ABLIM3: variants seen among roughly 807,000 people sequenced by gnomAD.
ABLIM3 encodes the protein actin-binding LIM protein 3.
ABLIM3 carries 61 observed loss-of-function variants against 109.5 expected under a neutral mutation model. The ratio of observed to expected loss-of-function variants is 0.56; its 90% CI spans 0.45 to 0.69. The LOEUF (loss-of-function observed/expected upper bound fraction) is 0.69. Among genes scored for constraint, ABLIM3 ranks in the 30% least tolerant of loss-of-function variants. The pLI is 0.00. For synonymous variants in ABLIM3, 300 were observed against 324.8 expected (o/e 0.92, Z 0.82); for missense variants, 796 against 889.5 (o/e 0.89, Z 1.34).
At chr5:149,214,366 G>T (rs1398046037) in intron 7 of ABLIM3, among the ~76,000 whole-genome samples, 1 of 152,176 alleles carries the variant, frequency 6.6e-6, no homozygotes, top group Non-Finnish European at 1.5e-5. Flanking sequence ...GACACCAGTT[G>T]CCCCAGGCTT....
At chr5:149,240,958 A>T (rs1252879015) in intron 14 of ABLIM3, among the ~76,000 whole-genome samples, 184 bp downstream of exon 14, 4 of 152,136 alleles carry the variant, frequency 2.6e-5, no homozygotes, top group Non-Finnish European at 5.9e-5. Flanking sequence ...CAGATTATCC[A>T]CTTGACAGAA....
Position 149,239,742 on chromosome 5 carries a change from C to T in ABLIM3, c.1075-17C>T. The stretch of plus-strand genomic sequence containing the variant: ...CTTAACAGCCAGCCATGCTCACAGC[C>T]CCATTTCCTCTCCCAGGACATCTAC... On this transcript the variant is annotated splice_polypyrimidine_tract_variant and intron_variant, in intron 12 of 23. Transcript: ENST00000309868. 1.3e-6 allele frequency: 2 copies of T among 1,582,638 alleles called. No individual in the cohort carries two copies. The highest frequency in any genetic ancestry group is 1.7e-6 in the Non-Finnish European group (2 of 1,165,790).
chr5:149,255,647 C>T (rs1217456379), intron 23 of ABLIM3, among the ~76,000 whole-genome samples: 1 of 152,146 alleles, frequency 6.6e-6, no homozygotes, highest in Admixed American at 6.6e-5. Context: ...GAAGGAAGAA[C>T]TTTCTGGGCA....
intron 9 of ABLIM3, 60 bp downstream of exon 9, chr5:149,230,767 T>C: frequency 6.3e-7 from 1 of 1,584,702 alleles, no homozygotes; most frequent in East Asian, 2.2e-5. Flanking sequence ...TGCCACAGGC[T>C]AAGGGAGCTG....
chr5:149,237,324 TA>T, intron 10 of ABLIM3, 123 bp from the exon 11 acceptor site: 1 of 1,024,448 alleles, frequency 9.8e-7, no homozygotes, highest in Non-Finnish European at 1.4e-6. Flanking sequence ...AATTTGATCC[TA>T]ATCTGTTTGT....
intron 10 of ABLIM3, among the ~76,000 whole-genome samples, chr5:149,236,282 CA>C: frequency 6.6e-6 from 1 of 152,276 alleles, no homozygotes; most frequent in East Asian, 1.9e-4. Flanking sequence ...GGTAGGTTTT[CA>C]AAATAGCACA....
intron 2 of ABLIM3, among the ~76,000 whole-genome samples, chr5:149,155,406 A>G (rs1228826482): frequency 6.6e-6 from 1 of 152,212 alleles, no homozygotes; most frequent in Non-Finnish European, 1.5e-5. Flanking sequence ...GACTGCTTCC[A>G]TCCAGCATCT....
chr5:149,158,064 A>C (rs1018432585), intron 2 of ABLIM3, among the ~76,000 whole-genome samples: 5 of 152,312 alleles, frequency 3.3e-5, no homozygotes, highest in African/African-American at 1.2e-4. Context: ...TCACTCCTGA[A>C]GTGATTTTAT....
chr5:149,239,608 G>A (rs1009962790), intron 12 of ABLIM3, 151 bp from the exon 13 acceptor site: 2 of 1,130,408 alleles, frequency 1.8e-6, no homozygotes, highest in Non-Finnish European at 1.3e-6. Context: ...CTCGGGCTGT[G>A]TGTGTAACTC....
intron 23 of ABLIM3, among the ~76,000 whole-genome samples, chr5:149,254,553 G>T (rs1398710916): frequency 6.6e-6 from 1 of 152,186 alleles, no homozygotes; most frequent in Non-Finnish European, 1.5e-5. Flanking sequence ...TTGATGGCGT[G>T]GAATTGGCCC....
intron 23 of ABLIM3, among the ~76,000 whole-genome samples, chr5:149,253,278 G>GGGGA (rs370969337): frequency 1.8e-3 from 272 of 152,272 alleles, no homozygotes; most frequent in African/African-American, 6.4e-3. Flanking sequence ...TGGGGGACAG[G>GGGGA]GGGAGGCAGC....
intron 2 of ABLIM3, among the ~76,000 whole-genome samples, chr5:149,168,724 G>A (rs1175942401): frequency 6.6e-6 from 1 of 152,172 alleles, no homozygotes; most frequent in Non-Finnish European, 1.5e-5. Context: ...AATATACTTT[G>A]TAATATTTGA....
chr5:149,240,669 G>A lies in ABLIM3; in HGVS notation c.1205-7G>A. 1.2e-6 allele frequency: 2 copies of A among 1,612,672 alleles called. No individual in the cohort carries two copies. The highest frequency in any genetic ancestry group is 1.1e-5 in the South Asian group (1 of 91,068). On this transcript the variant is annotated splice_polypyrimidine_tract_variant and splice_region_variant and intron_variant, in intron 13 of 23. Coordinates refer to ENST00000309868, the MANE Select transcript of ABLIM3 (RefSeq NM_014945.5). The stretch of plus-strand genomic sequence containing the variant: ...TTTCTTTGGCGACCACTTCCTGCGT[G>A]CTCCAGGGCCCGAGAGTGGCCGGAG...
intron 2 of ABLIM3, among the ~76,000 whole-genome samples, chr5:149,173,968 G>A (rs1032091210): frequency 6.9e-6 from 1 of 145,680 alleles, no homozygotes; most frequent in Non-Finnish European, 1.5e-5. Flanking sequence ...CTTGCAGTGA[G>A]CCGAGATCGC....
At chr5:149,197,526 G>A (rs1208566392) in intron 3 of ABLIM3, among the ~76,000 whole-genome samples, 2 of 152,060 alleles carry the variant, frequency 1.3e-5, no homozygotes, top group African/African-American at 2.4e-5. Flanking sequence ...TTCAGGGATT[G>A]TGTTTTATTC....
intron 2 of ABLIM3, chr5:149,164,215 G>C (rs1056953927): frequency 3.3e-5 from 5 of 152,172 alleles, no homozygotes; most frequent in Non-Finnish European, 5.9e-5. Flanking sequence ...TCGTGGGAAC[G>C]AGTGTGTTGC....
chr5:149,234,517 C>T (rs1762164006), intron 10 of ABLIM3, among the ~76,000 whole-genome samples: 1 of 152,158 alleles, frequency 6.6e-6, no homozygotes, highest in Non-Finnish European at 1.5e-5. Flanking sequence ...GGATAATGCC[C>T]ATTGATGGGA....
intron 2 of ABLIM3, among the ~76,000 whole-genome samples, chr5:149,178,459 A>G (rs898720418): frequency 5.9e-5 from 9 of 152,212 alleles, no homozygotes; most frequent in African/African-American, 1.9e-4. Flanking sequence ...ACTTCCAGCC[A>G]ATTATTCACA....
intron 2 of ABLIM3, among the ~76,000 whole-genome samples, chr5:149,167,080 A>G (rs1221069153): frequency 6.6e-6 from 1 of 152,198 alleles, no homozygotes; most frequent in Admixed American, 6.5e-5. Context: ...TCAAGGTGTT[A>G]TGTCTGTAGC....
Sources: gnomAD v4.1 joint callset for allele counts (sites outside exome capture counted in the v4.1 genomes callset) on GRCh38, gnomAD v4.1.1 for gene constraint, MANE v1.5 for transcripts, NCBI Gene and HGNC (gene_info 2026-07-23, HGNC 2026-07-21) for gene names.